Variants in NOC4L observed in about 807,000 individuals in gnomAD.
The protein encoded by NOC4L is nucleolar complex associated 4 homolog, also known as nucleolar complex protein 4 homolog.
In NOC4L, 40 loss-of-function variants were observed where a neutral mutation model predicts 62.8. That is an observed-to-expected ratio of 0.64 (90% confidence interval 0.49 to 0.83). The LOEUF is 0.83. Among genes scored for constraint, NOC4L ranks in the 40% least tolerant of loss-of-function variants. NOC4L has a pLI of 0.00. For synonymous variants in NOC4L, 433 were observed against 299.8 expected (o/e 1.44, Z -4.59); for missense variants, 927 against 701.9 (o/e 1.32, Z -3.62).
At position 132,150,659 on chromosome 12, in the gene NOC4L, C is replaced by G. The variant is rs546535288; in HGVS notation, c.902-322C>G. ...CACCCCTAATCCCCTCGGTGAGTGC[C>G]GCCGCCTCGCTCATACCACACCCCT... is the stretch of plus-strand genomic sequence containing the variant. On this transcript the variant is annotated intron_variant, in intron 9 of 14. Transcript: ENST00000330579. 2.4e-3 allele frequency among the ~76,000 whole-genome samples: 15 copies of G among 6,204 alleles called. 6 individuals carry two copies. The highest frequency in any genetic ancestry group is 3.7e-3 in the Non-Finnish European group (9 of 2,434). 4.1% of individuals were successfully genotyped at this position (6,204 alleles called of 152,430 possible). A position where few individuals can be genotyped will look rare whatever the true frequency, so the allele number is the denominator to read the frequency against.
At chr12:132,148,760 C>G (rs1169185178) in intron 8 of NOC4L, 24 bp from the exon 9 acceptor site, 1 of 1,400,194 alleles carries the variant, frequency 7.1e-7, no homozygotes, top group Non-Finnish European at 9.7e-7. Context: ...CGCCCCTCAC[C>G]CCCACCTGCC....
intron 9 of NOC4L, 158 bp from the exon 10 acceptor site, chr12:132,150,823 C>G (rs1897905592): frequency 1.6e-6 from 1 of 639,090 alleles, no homozygotes; most frequent in East Asian, 2.6e-5. Flanking sequence ...CCCCCACTCC[C>G]CTGCCCTGCA....
chr12:132,147,608 G>T (rs1897771655), intron 4 of NOC4L, 25 bp from the exon 5 acceptor site: 1 of 1,610,936 alleles, frequency 6.2e-7, no homozygotes, highest in African/African-American at 1.3e-5. Flanking sequence ...GCCGGGCAGG[G>T]CTGCTCACTG....
At chr12:132,151,396 C>G in intron 11 of NOC4L, 28 bp downstream of exon 11, 2 of 1,604,986 alleles carry the variant, frequency 1.2e-6, no homozygotes, top group Non-Finnish European at 1.7e-6. Context: ...TGGCTCTGCC[C>G]TGCTCTGTGC....
Position 132,150,806 on chromosome 12 carries a change from C to T in NOC4L, c.902-175C>T, listed in dbSNP as rs545333806. 2.1e-4 allele frequency: 126 copies of T among 611,972 alleles called. 2 individuals are homozygous for T. The East Asian group carries it at 3.4e-3, about 16-fold the overall frequency. The allele number at this position is 611,972 out of a possible 1,614,324, so 37.9% of individuals were successfully genotyped here. On this transcript the variant is annotated intron_variant, in intron 9 of 14. Transcript: ENST00000330579. ...CAGCACCTCTTCCCCGATCCCACTG[C>T]CTCCACCCCCCACTCCCCTGCCCTG...
chr12:132,150,701 G>A (rs1347842537), intron 9 of NOC4L: 11 of 309,284 alleles, frequency 3.6e-5, no homozygotes, highest in African/African-American at 2.6e-4. Context: ...CTCGGTGAGT[G>A]CCGCCGCCTC....
chr12:132,148,906 C>T lies in NOC4L; in HGVS notation c.901+11C>T, dbSNP rs376375929. The T allele has an allele frequency of 1.6e-5, 20 of 1,260,934 alleles. No homozygotes were observed. Among genetic ancestry groups the T allele is most frequent in the South Asian group, 3.0e-5 (2 of 66,768 alleles). 78.1% of individuals were successfully genotyped at this position (1,260,934 alleles called of 1,614,324 possible). A position where few individuals can be genotyped will look rare whatever the true frequency, so the allele number is the denominator to read the frequency against. On this transcript the variant is annotated intron_variant, in intron 9 of 14. Coordinates refer to ENST00000330579, the MANE Select transcript of NOC4L (RefSeq NM_024078.3). ...GCGCCTGCGACCTCGGTGAGTGCCGCCGCCTCGCTCACACCACACCCCTAA... is the reference window on the plus strand; with the variant it reads ...GCGCCTGCGACCTCGGTGAGTGCCGTCGCCTCGCTCACACCACACCCCTAA...
chr12:132,147,655 C>G lies in NOC4L; in HGVS notation c.476C>G (p.Ser159Cys). The change falls in exon 5 of 15, where the codon TCT (serine) becomes TGT (cysteine). Residue 159 changes from serine (S) to cysteine (C), a missense_variant. Transcript: ENST00000330579. ...TAGTTGGTGGTGGGAGGCCTGCTGT[C>G]TCCTGAGGAGGACCAGAGCCTGCTC... ...LFKLVVGGLL[S>C]PEEDQSLLLS... is the part of the protein sequence containing the mutation. The G allele has an allele frequency of 6.2e-7, 1 of 1,612,906 alleles. No homozygotes were observed. Among genetic ancestry groups the G allele is most frequent in the Non-Finnish European group, 8.5e-7 (1 of 1,179,940 alleles).
At chr12:132,151,140 C>T in intron 10 of NOC4L, 99 bp downstream of exon 10, 4 of 1,424,090 alleles carry the variant, frequency 2.8e-6, no homozygotes, top group Non-Finnish European at 3.9e-6. Context: ...GCTTTCCTCA[C>T]AGGCCATGGT....
intron 3 of NOC4L, 117 bp downstream of exon 3, chr12:132,145,782 G>GAA: frequency 4.5e-6 from 3 of 670,046 alleles, no homozygotes; most frequent in Non-Finnish European, 7.8e-6. Context: ...CTTCCTTCAT[G>GAA]GGAGCATCAC....
rs1457937575 is a variant in NOC4L, at chr12:132,144,528, C to T, written c.40C>T (p.Leu14=). The change falls in exon 1 of 15, where the codon CTG becomes TTG. Residue 14 remains leucine (L), a synonymous_variant. Coordinates refer to ENST00000330579, the MANE Select transcript of NOC4L (RefSeq NM_024078.3). ...EPGAAGVRRA[L]GRRLEAVLAS... is the part of the protein sequence containing the mutation. ...GGGCGCCGCGGGAGTTCGCCGGGCT[C>T]TGGGCCGCCGGCTGGAGGCGGTGCT... The T allele has an allele frequency of 6.6e-7, 1 of 1,519,420 alleles. No homozygotes were observed. Among genetic ancestry groups the T allele is most frequent in the South Asian group, 1.2e-5 (1 of 82,044 alleles). 94.1% of individuals were successfully genotyped at this position (1,519,420 alleles called of 1,614,324 possible). A position where few individuals can be genotyped will look rare whatever the true frequency, so the allele number is the denominator to read the frequency against.
intron 6 of NOC4L, 37 bp from the exon 7 acceptor site, chr12:132,148,035 G>T (rs1897791800): frequency 1.2e-6 from 2 of 1,613,296 alleles, no homozygotes; most frequent in South Asian, 2.2e-5. Flanking sequence ...TGCCTCCCCT[G>T]CGGGTCAGGT....
rs767669002 is a variant in NOC4L at position 132,146,389 on chromosome 12, G to A, written c.345+724G>A. Reference sequence around the variant, plus strand: ...TCGTAGGTTGCTGGGCATTTGCGTCGTTTCCACCTTTGGCTGTTACGAACA... The same window carrying A: ...TCGTAGGTTGCTGGGCATTTGCGTCATTTCCACCTTTGGCTGTTACGAACA... On this transcript the variant is annotated intron_variant, in intron 3 of 14. Coordinates refer to ENST00000330579, the MANE Select transcript of NOC4L (RefSeq NM_024078.3). 1.5e-5 allele frequency: 7 copies of A among 451,864 alleles called. No individual in the cohort carries two copies. In the East Asian group the frequency reaches 2.1e-4, roughly 14 times the overall value. 28.0% of individuals were successfully genotyped at this position (451,864 alleles called of 1,614,324 possible).
At chr12:132,147,485 G>T in intron 4 of NOC4L, 97 bp downstream of exon 4, 1 of 1,449,790 alleles carries the variant, frequency 6.9e-7, no homozygotes, top group Non-Finnish European at 9.3e-7. Flanking sequence ...GCTGAGCCTG[G>T]CTGTTGGCTG....
At position 132,150,971 on chromosome 12, in the gene NOC4L, C is replaced by G. The variant is rs377547852; in HGVS notation, c.902-10C>G. ...CACTGCAGCTCCAGCCTGTGTCTGT[C>G]TGTCTGCAGGGGGGGCCCTCAGCCT... On this transcript the variant is annotated splice_polypyrimidine_tract_variant and intron_variant, in intron 9 of 14. Transcript: ENST00000330579. 2.0e-5 allele frequency: 32 copies of G among 1,601,044 alleles called. No individual in the cohort carries two copies. The highest frequency in any genetic ancestry group is 2.6e-5 in the Non-Finnish European group (30 of 1,173,212).
rs1897689491 is a variant in NOC4L, at chr12:132,145,680, T to TCCTG, written c.345+15_345+16insCCTG. 1 of 1,581,302 alleles carries TCCTG rather than the reference T, an allele frequency of 6.3e-7. No individual in the cohort carries two copies. The highest frequency in any genetic ancestry group is 1.7e-5 in the Admixed American group (1 of 59,454). On this transcript the variant is annotated intron_variant, in intron 3 of 14. Coordinates refer to ENST00000330579, the MANE Select transcript of NOC4L (RefSeq NM_024078.3). ...TTCAGGTCAAGGTGGGTCATTGGGC[T>TCCTG]GGCCTCATCCTTGTCCATCCCCTGC...
In NOC4L at chr12:132,144,972, C is replaced by G. The variant is rs1472414693; in HGVS notation, c.236C>G (p.Thr79Arg). 1.3e-6 allele frequency: 2 copies of G among 1,597,228 alleles called. No individual in the cohort carries two copies. Among genetic ancestry groups the G allele is most frequent in the Non-Finnish European group, 1.7e-6 (2 of 1,172,780 alleles). The stretch of plus-strand genomic sequence containing the variant: ...CTGCCCTCTGAGGAGATGGTCATGA[C>G]AGGTGAGCCCTGGAGGGCCCCGGGG... The part of the protein sequence containing the change: ...GQLPSEEMVM[T>R]GSQGATRKYK... The change falls in exon 2 of 15, where the codon ACA (threonine) becomes AGA (arginine). Residue 79 changes from threonine to arginine, a missense_variant and splice_region_variant. By Grantham distance (71) the Thr-to-Arg change is moderately conservative. Coordinates refer to ENST00000330579, the MANE Select transcript of NOC4L (RefSeq NM_024078.3).
intron 9 of NOC4L, among the ~76,000 whole-genome samples, chr12:132,149,793 G>A (rs61942932): frequency 3.4e-3 from 16 of 4,706 alleles, no homozygotes; most frequent in East Asian, 0.05. Context: ...CCGCCGCCTC[G>A]CTCACACCAC....
Position 132,148,893 on chromosome 12 carries a change from T to G in NOC4L, c.899T>G (p.Leu300Arg). Residue 300 changes from leucine to arginine, a missense_variant and splice_region_variant, in exon 9 of 15, where the codon CTC becomes CGC. Leu to Arg is a moderately radical substitution (Grantham distance 102, BLOSUM62 -2). Coordinates refer to ENST00000330579, the MANE Select transcript of NOC4L (RefSeq NM_024078.3). ...MIDFLTRACD[L>R]GGALSLLALN... is the part of the protein sequence containing the mutation. ...GACTTCCTCACCCGCGCCTGCGACC[T>G]CGGTGAGTGCCGCCGCCTCGCTCAC... 1 of 1,357,808 alleles carries G rather than the reference T, an allele frequency of 7.4e-7. No individual in the cohort carries two copies. Among genetic ancestry groups the G allele is most frequent in the Non-Finnish European group, 9.8e-7 (1 of 1,023,918 alleles). The allele number at this position is 1,357,808 out of a possible 1,614,324, so 84.1% of individuals were successfully genotyped here. A position where few individuals can be genotyped will look rare whatever the true frequency, so the allele number is the denominator to read the frequency against.
Sources: gnomAD v4.1 joint callset for allele counts (sites outside exome capture counted in the v4.1 genomes callset) on GRCh38, gnomAD v4.1.1 for gene constraint, MANE v1.5 for transcripts, NCBI Gene and HGNC (gene_info 2026-07-23, HGNC 2026-07-21) for gene names.